The following UBAP2 variants were observed in gnomAD, a reference collection of about 807,000 sequenced individuals.
UBAP2 encodes ubiquitin associated protein 2, also known as ubiquitin-associated protein 2.
Under a neutral mutation model 139.6 loss-of-function variants are expected in UBAP2, and 75 were observed. That is an observed-to-expected ratio of 0.54 (90% CI 0.45 to 0.65). UBAP2 has a LOEUF of 0.65. Among genes scored for constraint, UBAP2 ranks in the 30% least tolerant of loss-of-function variants. The pLI, the probability that UBAP2 is intolerant of heterozygous loss-of-function variation, is 0.00. For synonymous variants in UBAP2, 526 were observed against 526.2 expected (o/e 1.00, Z 0.01); for missense variants, 1,368 against 1,369.6 (o/e 1.00, Z 0.02).
chr9:34,028,537 G>A (rs886381651), intron 1 of UBAP2, among the ~76,000 whole-genome samples: 95 of 151,796 alleles, frequency 6.3e-4, no homozygotes, highest in African/African-American at 2.1e-3. Context: ...CCGCCACCAC[G>A]CCCGGCTAAT....
chr9:33,949,714 T>C (rs1469400446), intron 12 of UBAP2, among the ~76,000 whole-genome samples: 4 of 151,976 alleles, frequency 2.6e-5, no homozygotes, highest in Admixed American at 1.3e-4. Flanking sequence ...CATGTGTGTG[T>C]GCGCGCATGC....
chr9:33,964,640 T>C (rs1178488872), intron 8 of UBAP2, among the ~76,000 whole-genome samples: 1 of 151,576 alleles, frequency 6.6e-6, no homozygotes, highest in African/African-American at 2.4e-5. Context: ...TTTGAGGTTG[T>C]AGTGCACTAA....
At chr9:34,037,155 A>AT (rs948074004) in intron 1 of UBAP2, among the ~76,000 whole-genome samples, 2 of 151,794 alleles carry the variant, frequency 1.3e-5, no homozygotes, top group Admixed American at 1.3e-4. Context: ...TGCCTGGCTA[A>AT]TTTTTTGTAT....
intron 3 of UBAP2, chr9:33,996,760 T>C (rs1822239010): frequency 6.2e-6 from 1 of 161,708 alleles, no homozygotes; most frequent in African/African-American, 2.4e-5. Context: ...AGGGACAATA[T>C]TCCATATGCT....
At chr9:33,967,624 C>T (rs1827570484) in intron 8 of UBAP2, among the ~76,000 whole-genome samples, 1 of 152,104 alleles carries the variant, frequency 6.6e-6, no homozygotes, top group South Asian at 2.1e-4. Context: ...TATTAAAAGG[C>T]AAAGCACCAC....
chr9:33,982,253 C>T (rs773316425), intron 6 of UBAP2, among the ~76,000 whole-genome samples: 5 of 152,146 alleles, frequency 3.3e-5, no homozygotes, highest in Non-Finnish European at 7.4e-5. Context: ...CAACCCAAAT[C>T]CTTTGCAAAA....
rs543797570 is a variant in UBAP2, at chr9:34,014,187, C to T, written c.99+2863G>A. ...TAAAAATGCAAAAAAGTTAGCCGGG[C>T]ATGGTGGCTCACGCCTGTAATCCCA... On this transcript the variant is annotated intron_variant, in intron 2 of 28. Coordinates refer to ENST00000379238, the MANE Select transcript of UBAP2 (RefSeq NM_001370062.2). Among the ~76,000 whole-genome samples, 13 of 151,600 alleles carry T rather than the reference C, an allele frequency of 8.6e-5. 1 individual carries two copies. The highest frequency in any genetic ancestry group is 3.1e-4 in the African/African-American group (13 of 41,346).
intron 6 of UBAP2, among the ~76,000 whole-genome samples, chr9:33,977,109 G>A (rs1820200132): frequency 6.7e-6 from 1 of 149,502 alleles, no homozygotes; most frequent in Non-Finnish European, 1.5e-5. Context: ...CGCCACCTCG[G>A]CTCACTGCAA....
intron 1 of UBAP2, among the ~76,000 whole-genome samples, chr9:34,037,136 G>A (rs922705319): frequency 2.0e-5 from 3 of 152,082 alleles, no homozygotes; most frequent in South Asian, 2.1e-4. Context: ...TTACAGAGGC[G>A]TGCCACCATG....
chr9:34,027,573 A>T (rs1033563909), intron 1 of UBAP2, among the ~76,000 whole-genome samples: 1 of 148,944 alleles, frequency 6.7e-6, no homozygotes, highest in Non-Finnish European at 1.5e-5. Context: ...AAAGAAAAAA[A>T]TAGGCCAGGC....
chr9:33,979,983 G>A (rs1236775979), intron 6 of UBAP2, among the ~76,000 whole-genome samples: 3 of 151,802 alleles, frequency 2.0e-5, no homozygotes, highest in Non-Finnish European at 4.4e-5. Flanking sequence ...TAAGGCAGGA[G>A]AATTGCTTGA....
intron 5 of UBAP2, among the ~76,000 whole-genome samples, chr9:33,987,230 C>T (rs964261433): frequency 2.0e-5 from 3 of 151,856 alleles, no homozygotes; most frequent in African/African-American, 2.4e-5. Flanking sequence ...GGCTAACACA[C>T]GGAAACCCTG....
intron 2 of UBAP2, among the ~76,000 whole-genome samples, chr9:34,015,250 C>T (rs914792268): frequency 1.3e-5 from 2 of 152,184 alleles, no homozygotes; most frequent in African/African-American, 4.8e-5. Context: ...ACTTATCTCA[C>T]TTCACTTAAA....
intron 8 of UBAP2, among the ~76,000 whole-genome samples, chr9:33,969,584 A>G (rs1244140599): frequency 6.6e-6 from 1 of 151,114 alleles, no homozygotes; most frequent in Non-Finnish European, 1.5e-5. Context: ...AAAGAAAAGA[A>G]GGTGGGGCAC....
chr9:33,968,236 T>C, intron 8 of UBAP2: 1 of 621,818 alleles, frequency 1.6e-6, no homozygotes, highest in Non-Finnish European at 3.1e-6. Context: ...AACCCTCCAT[T>C]GTAAACAGGA....
At chr9:34,005,153 C>T (rs546937119) in intron 2 of UBAP2, among the ~76,000 whole-genome samples, 1 of 151,532 alleles carries the variant, frequency 6.6e-6, no homozygotes, top group African/African-American at 2.4e-5. Context: ...ATCCCAACTA[C>T]TCAGGAGGTT....
intron 19 of UBAP2, chr9:33,928,649 GCCC>G (rs1564016187): frequency 6.6e-6 from 1 of 152,504 alleles, no homozygotes; most frequent in Non-Finnish European, 1.5e-5. Flanking sequence ...TGCTCCATCA[GCCC>G]CGAGTCCCAG....
At chr9:33,968,824 G>A (rs183232341) in intron 8 of UBAP2, among the ~76,000 whole-genome samples, 13 of 152,134 alleles carry the variant, frequency 8.5e-5, no homozygotes, top group African/African-American at 3.1e-4. Flanking sequence ...ATACTCATTT[G>A]TAGTCACTCA....
intron 2 of UBAP2, among the ~76,000 whole-genome samples, chr9:34,001,815 T>C (rs1162244347): frequency 6.6e-6 from 1 of 152,108 alleles, no homozygotes; most frequent in Non-Finnish European, 1.5e-5. Context: ...CTTGTTCCAA[T>C]CCAAGCACCA....
Sources: gnomAD v4.1 joint callset for allele counts (sites outside exome capture counted in the v4.1 genomes callset) on GRCh38, gnomAD v4.1.1 for gene constraint, MANE v1.5 for transcripts, NCBI Gene and HGNC (gene_info 2026-07-23, HGNC 2026-07-21) for gene names.